Variants in NUTM2E observed in about 807,000 individuals in gnomAD.
NUTM2E encodes the protein family with sequence similarity 22, member E.
A neutral mutation model predicts 26.1 loss-of-function variants in NUTM2E; 3 were observed. That is an observed-to-expected ratio of 0.12 (90% CI 0.05 to 0.30). The LOEUF is 0.30. Among genes scored for constraint, NUTM2E ranks in the 10% least tolerant of loss-of-function variants. NUTM2E has a pLI of 1.00. For synonymous variants in NUTM2E, 13 were observed against 157.5 expected (o/e 0.08, Z 6.87); for missense variants, 62 against 381.3 (o/e 0.16, Z 6.97).
intron 1 of NUTM2E, 73 bp downstream of exon 1, chr10:79,827,430 A>G (rs954667189): frequency 1.6e-4 from 24 of 151,568 alleles, no homozygotes; most frequent in African/African-American, 5.8e-4. Context: ...TTAATTACAG[A>G]TAGGATTACA....
chr10:79,846,640 AC>A (rs1205525595), intron 5 of NUTM2E, among the ~76,000 whole-genome samples, 189 bp from the exon 6 acceptor site: 1 of 80,424 alleles, frequency 1.2e-5, no homozygotes. Context: ...CGGAGAGGCC[AC>A]TTGGTAGCTT....
In NUTM2E at chr10:79,849,059, T is replaced by C. The variant is rs2132424480; in HGVS notation, c.1734+164T>C. Among the ~76,000 whole-genome samples the C allele has an allele frequency of 1.8e-5, 2 of 112,180 alleles. 1 individual carries two copies. The highest frequency in any genetic ancestry group is 4.5e-5 in the Non-Finnish European group (2 of 44,104). The allele number at this position is 112,180 out of a possible 152,430, so 73.6% of individuals were successfully genotyped here. ...TGTGTCTGTGTGTTTGTGTCTGTGG[T>C]TTGTTACTGTGTGTCTTTGTGTGTC... is the stretch of plus-strand genomic sequence containing the variant. On this transcript the variant is annotated intron_variant, in intron 8 of 9. Transcript: ENST00000429984.
At position 79,842,008 on chromosome 10, in the gene NUTM2E, G is replaced by A; in HGVS notation, c.268G>A (p.Gly90Arg). 1.6e-5 allele frequency: 11 copies of A among 688,066 alleles called. 2 individuals are homozygous for A. The highest frequency in any genetic ancestry group is 2.3e-5 in the Non-Finnish European group (9 of 393,288). 42.6% of individuals were successfully genotyped at this position (688,066 alleles called of 1,614,324 possible). Residue 90 changes from glycine (G) to arginine (R), a missense_variant, in exon 4 of 10, where the codon GGA becomes AGA. By Grantham distance (125) the Gly-to-Arg change is moderately radical (BLOSUM62 -2). Coordinates refer to ENST00000429984, the MANE Select transcript of NUTM2E (RefSeq NM_001355263.2). ...ATTTTCCCTGTTTCAGTTGGACTCA[G>A]GAGCATCTGGTGAGCCAGGTCACTC... ...FKFSLFQLDS[G>R]ASGEPGHSLG...
chr10:79,827,795 G>GTTTTTT (rs57414762), intron 1 of NUTM2E, among the ~76,000 whole-genome samples: 3 of 127,730 alleles, frequency 2.3e-5, no homozygotes, highest in Non-Finnish European at 3.3e-5. Context: ...TTTTTTTTTT[G>GTTTTTT]TTTTTTTTTT....
At chr10:79,837,497 G>A (rs1261187921) in intron 1 of NUTM2E, among the ~76,000 whole-genome samples, 1 of 152,114 alleles carries the variant, frequency 6.6e-6, no homozygotes, top group African/African-American at 2.4e-5. Flanking sequence ...TCACTGAGGT[G>A]GGGAGTAGTG....
intron 1 of NUTM2E, among the ~76,000 whole-genome samples, chr10:79,829,998 A>G (rs1841916459): frequency 6.6e-6 from 1 of 151,662 alleles, no homozygotes; most frequent in Non-Finnish European, 1.5e-5. Context: ...AGCTTATCCA[A>G]AAGTAAGAAG....
chr10:79,849,086 G>C (rs374362938), intron 8 of NUTM2E, among the ~76,000 whole-genome samples, 191 bp downstream of exon 8: 15,867 of 107,520 alleles, frequency 0.15, 282 homozygotes, highest in East Asian at 0.39. Flanking sequence ...TTGTGTGTCT[G>C]TGTAGGTGTG....
intron 1 of NUTM2E, among the ~76,000 whole-genome samples, chr10:79,830,660 T>A (rs1841921950): frequency 1.4e-5 from 2 of 148,002 alleles, no homozygotes; most frequent in South Asian, 4.3e-4. Context: ...ATATATTTGT[T>A]TGAATAAAAA....
intron 1 of NUTM2E, among the ~76,000 whole-genome samples, chr10:79,830,236 G>A (rs1259148125): frequency 6.6e-6 from 1 of 151,590 alleles, no homozygotes; most frequent in East Asian, 1.9e-4. Flanking sequence ...GTACTATGGT[G>A]TAGCTCTTTC....
intron 1 of NUTM2E, among the ~76,000 whole-genome samples, chr10:79,832,765 A>G (rs1841934893): frequency 6.6e-6 from 1 of 151,728 alleles, no homozygotes. Flanking sequence ...GATCCCAATA[A>G]CCTATTTTAA....
chr10:79,836,193 T>G (rs1227060541), intron 1 of NUTM2E, among the ~76,000 whole-genome samples: 2 of 151,898 alleles, frequency 1.3e-5, no homozygotes, highest in Middle Eastern at 3.4e-3. Context: ...TTGTAGAAAC[T>G]GGGCTTTAAA....
intron 1 of NUTM2E, among the ~76,000 whole-genome samples, chr10:79,828,271 C>T (rs1589304897): frequency 6.6e-6 from 1 of 151,654 alleles, no homozygotes; most frequent in East Asian, 1.9e-4. Flanking sequence ...ATTCTAAAAC[C>T]GCATGGGATT....
At chr10:79,836,880 A>ACAAAAG (rs1467777658) in intron 1 of NUTM2E, among the ~76,000 whole-genome samples, 2 of 152,022 alleles carry the variant, frequency 1.3e-5, no homozygotes. Context: ...AAAAACAAAA[A>ACAAAAG]CAAAAACTAT....
At position 79,845,109 on chromosome 10, in the gene NUTM2E, T is replaced by G. The variant is rs1355652851; in HGVS notation, c.1082+237T>G. Among the ~76,000 whole-genome samples, 76 of 113,874 alleles carry G rather than the reference T, an allele frequency of 6.7e-4. No individual in the cohort carries two copies. In the East Asian group the frequency reaches 0.013, roughly 19 times the overall value. 74.7% of individuals were successfully genotyped at this position (113,874 alleles called of 152,430 possible). A position where few individuals can be genotyped will look rare whatever the true frequency, so the allele number is the denominator to read the frequency against. ...CCGTGAGTCCAGCCAATCCTTACTT[T>G]CAATAATTTTCACAACAATGTTTAC... On this transcript the variant is annotated intron_variant, in intron 5 of 9. Transcript: ENST00000429984.
chr10:79,833,714 G>C (rs1841943024), intron 1 of NUTM2E, among the ~76,000 whole-genome samples: 1 of 151,850 alleles, frequency 6.6e-6, no homozygotes, highest in African/African-American at 2.4e-5. Context: ...GGAAACAACA[G>C]ATGCCGGAGA....
chr10:79,827,795 G>GTTTTTTTTTTTTTTTTTT (rs57414762), intron 1 of NUTM2E, among the ~76,000 whole-genome samples: 2 of 127,738 alleles, frequency 1.6e-5, no homozygotes, highest in Non-Finnish European at 1.7e-5. Context: ...TTTTTTTTTT[G>GTTTTTTTTTTTTTTTTTT]TTTTTTTTTT....
intron 5 of NUTM2E, among the ~76,000 whole-genome samples, chr10:79,845,200 G>A (rs1246973437): frequency 8.9e-6 from 1 of 111,816 alleles, no homozygotes; most frequent in Non-Finnish European, 2.3e-5. Flanking sequence ...AGGTCTTTGA[G>A]TACACACCCC....
chr10:79,836,608 A>C (rs1841964964), intron 1 of NUTM2E, among the ~76,000 whole-genome samples: 1 of 151,950 alleles, frequency 6.6e-6, no homozygotes, highest in Admixed American at 6.6e-5. Flanking sequence ...TGATGAAACC[A>C]GTACAAATTA....
At chr10:79,831,260 A>G (rs1384104632) in intron 1 of NUTM2E, among the ~76,000 whole-genome samples, 1 of 151,710 alleles carries the variant, frequency 6.6e-6, no homozygotes, top group Non-Finnish European at 1.5e-5. Context: ...CCTAGGAAGT[A>G]TAATCAGTTA....
Sources: allele counts gnomAD v4.1 joint callset (sites outside exome capture counted in the v4.1 genomes callset), GRCh38; gene constraint gnomAD v4.1.1; transcripts MANE v1.5; gene names NCBI Gene and HGNC (gene_info 2026-07-23, HGNC 2026-07-21).